GINS3: variants seen among roughly 807,000 people sequenced by gnomAD.
GINS3 encodes GINS complex subunit 3.
GINS3 carries 18 observed loss-of-function variants against 20.0 expected under a neutral mutation model. The ratio of observed to expected loss-of-function variants is 0.90; its 90% confidence interval spans 0.62 to 1.33. The LOEUF (loss-of-function observed/expected upper bound fraction) is 1.33, where lower values mean the gene tolerates loss of function less well. Among genes scored for constraint, GINS3 ranks in the 40% most tolerant of loss-of-function variants. The pLI, the probability that GINS3 is intolerant of heterozygous loss-of-function variation, is 0.00. For missense variants in GINS3, 254 were observed against 273.6 expected (o/e 0.93, Z 0.51); for synonymous variants, 109 against 107.0 (o/e 1.02, Z -0.12).
intron 1 of GINS3, among the ~76,000 whole-genome samples, chr16:58,397,131 G>C (rs949178294): frequency 1.5e-4 from 23 of 151,746 alleles, no homozygotes; most frequent in African/African-American, 5.1e-4. Context: ...TTCCCAGACG[G>C]TGTAGCTGCC....
chr16:58,404,632 A>G lies in GINS3; in HGVS notation c.554A>G (p.Asp185Gly). Residue 185 changes from aspartate to glycine, a missense_variant, in exon 3 of 3, where the codon GAC (aspartate) becomes GGC (glycine). Transcript: ENST00000318129. ...CAAACAGGGCAGAAAGGACTGAATGACTTTCAGTGTTGGGAGAAGGGGCAG... is the reference window on the plus strand; with the variant it reads ...CAAACAGGGCAGAAAGGACTGAATGGCTTTCAGTGTTGGGAGAAGGGGCAG... ...LFQTGQKGLN[D>G]FQCWEKGQAS... is the part of the protein sequence containing the mutation. 6.2e-7 allele frequency: 1 copy of G among 1,613,892 alleles called. No individual in the cohort carries two copies. Among genetic ancestry groups the G allele is most frequent in the Non-Finnish European group, 8.5e-7 (1 of 1,179,800 alleles).
Position 58,392,799 on chromosome 16 carries a change from G to A in GINS3, c.186+12G>A, listed in dbSNP as rs13334093. On this transcript the variant is annotated intron_variant, in intron 1 of 2. Transcript: ENST00000318129. The stretch of plus-strand genomic sequence containing the variant: ...ACGCGGTCCCACAGGTGAGCCTTTG[G>A]GTGCGGGGTCCTGCCCGGAAAGACT... 0.038 allele frequency: 60,066 copies of A among 1,585,968 alleles called. 1,229 individuals are homozygous for A. The highest frequency in any genetic ancestry group is 0.05 in the Middle Eastern group (284 of 5,732).
chr16:58,396,766 A>C (rs1596956805), intron 1 of GINS3, among the ~76,000 whole-genome samples: 1 of 96,898 alleles, frequency 1.0e-5, no homozygotes, highest in South Asian at 3.6e-4. Flanking sequence ...CGGGGGGCTG[A>C]CCCCCCCACC....
rs544897069 is a variant in GINS3, at chr16:58,402,684, TC to T, written c.187-413del. On this transcript the variant is annotated intron_variant, in intron 1 of 2. Transcript: ENST00000318129. ...CTCAAGCTCAGGTTGATCTTATTTT[TC>T]TTTCTGACCCCTAGCATCCAATAGG... 7.6e-4 allele frequency among the ~76,000 whole-genome samples: 115 copies of T among 152,298 alleles called. 1 individual carries two copies. The highest frequency in any genetic ancestry group is 2.4e-3 in the African/African-American group (101 of 41,576).
chr16:58,393,963 A>T (rs1244776678), intron 1 of GINS3, among the ~76,000 whole-genome samples: 1 of 151,328 alleles, frequency 6.6e-6, no homozygotes, highest in East Asian at 1.9e-4. Flanking sequence ...TGTCTTCAAG[A>T]TTCATCTTCA....
rs554250120 is a variant in GINS3 at position 58,397,305 on chromosome 16, G to T, written c.186+4518G>T. ...AGACGATGGGCGGCCGGGCAGAGAC[G>T]CTCCTCACTTCCTAGATGGGATGGC... On this transcript the variant is annotated intron_variant, in intron 1 of 2. Transcript: ENST00000318129. 1.1e-4 allele frequency among the ~76,000 whole-genome samples: 16 copies of T among 150,120 alleles called. No homozygotes were observed. The East Asian group carries it at 2.2e-3, about 20-fold the overall frequency.
intron 1 of GINS3, among the ~76,000 whole-genome samples, chr16:58,398,931 C>G (rs570776467): frequency 5.9e-5 from 9 of 152,232 alleles, no homozygotes; most frequent in African/African-American, 1.9e-4. Flanking sequence ...AATAAATAAT[C>G]CGTATGTGTA....
rs545794516 is a variant in GINS3, at chr16:58,404,961, C to T, written c.*232C>T. On this transcript the variant is annotated 3_prime_UTR_variant, in exon 3 of 3. Transcript: ENST00000318129. ...GACCCACAGCCCAGGCCCTTTAACC[C>T]AAGAACCCATGGCCAAGGAGAAATC... 4.6e-4 allele frequency: 234 copies of T among 507,614 alleles called. 1 individual carries two copies. Among genetic ancestry groups the T allele is most frequent in the African/African-American group, 4.2e-3 (221 of 52,414 alleles). The allele number at this position is 507,614 out of a possible 1,614,324, so 31.4% of individuals were successfully genotyped here. A position where few individuals can be genotyped will look rare whatever the true frequency, so the allele number is the denominator to read the frequency against.
Position 58,397,483 on chromosome 16 carries a change from C to G in GINS3, c.186+4696C>G, listed in dbSNP as rs183170763. 4.1e-3 allele frequency among the ~76,000 whole-genome samples: 616 copies of G among 151,998 alleles called. 1 individual carries two copies. Among genetic ancestry groups the G allele is most frequent in the African/African-American group, 0.014 (580 of 41,342 alleles). Reference sequence around the variant, plus strand: ...CTGGGAGGTGGAGGTTGTATCGAGCCGAGATCACGCCACTGCACTCCAGCC... The same window carrying G: ...CTGGGAGGTGGAGGTTGTATCGAGCGGAGATCACGCCACTGCACTCCAGCC... On this transcript the variant is annotated intron_variant, in intron 1 of 2. Coordinates refer to ENST00000318129, the MANE Select transcript of GINS3 (RefSeq NM_022770.4).
chr16:58,396,245 C>A (rs1251215711), intron 1 of GINS3, among the ~76,000 whole-genome samples: 24 of 123,812 alleles, frequency 1.9e-4, no homozygotes, highest in South Asian at 2.7e-4. Flanking sequence ...CCAGACGGGG[C>A]GGCTGGCCGG....
intron 1 of GINS3, among the ~76,000 whole-genome samples, chr16:58,393,346 T>G (rs1426734520): frequency 6.6e-6 from 1 of 152,160 alleles, no homozygotes; most frequent in Non-Finnish European, 1.5e-5. Context: ...CTGGGTCACT[T>G]GGCCAGGGCT....
At chr16:58,396,886 G>T (rs1164662540) in intron 1 of GINS3, among the ~76,000 whole-genome samples, 3 of 144,726 alleles carry the variant, frequency 2.1e-5, no homozygotes, top group Admixed American at 6.7e-5. Flanking sequence ...GGCCGGGCGG[G>T]GGGCTGACCC....
chr16:58,402,938 A>C (rs1965976282), intron 1 of GINS3, 160 bp from the exon 2 acceptor site: 1 of 609,606 alleles, frequency 1.6e-6, no homozygotes. Flanking sequence ...CAGCCCACAC[A>C]CTTCATTGCT....
At chr16:58,396,037 G>A (rs1320376428) in intron 1 of GINS3, among the ~76,000 whole-genome samples, 12 of 147,986 alleles carry the variant, frequency 8.1e-5, no homozygotes, top group Non-Finnish European at 3.0e-5. Flanking sequence ...AGGGGCGGCC[G>A]GGCAGAGGCG....
intron 1 of GINS3, among the ~76,000 whole-genome samples, chr16:58,393,977 T>G (rs1172831181): frequency 1.3e-5 from 2 of 152,168 alleles, no homozygotes; most frequent in South Asian, 2.1e-4. Context: ...ATCTTCATAT[T>G]TCTAAATAAT....
At chr16:58,399,209 G>T (rs1596959253) in intron 1 of GINS3, among the ~76,000 whole-genome samples, 1 of 151,162 alleles carries the variant, frequency 6.6e-6, no homozygotes, top group African/African-American at 2.4e-5. Context: ...ACCTACTCAG[G>T]AGACTGAGGC....
At position 58,398,285 on chromosome 16, in the gene GINS3, A is replaced by T. The variant is rs548022829; in HGVS notation, c.187-4813A>T. Among the ~76,000 whole-genome samples the T allele has an allele frequency of 1.3e-3, 205 of 152,258 alleles. 2 individuals carry two copies. The highest frequency in any genetic ancestry group is 3.4e-3 in the Middle Eastern group (1 of 294). On this transcript the variant is annotated intron_variant, in intron 1 of 2. Transcript: ENST00000318129. ...CTTTAATTGCGTTTCATAAGTTTTG[A>T]TGTGTTATATTTTCATTATCAATGA...
intron 1 of GINS3, among the ~76,000 whole-genome samples, chr16:58,394,768 C>T (rs1965826670): frequency 6.6e-6 from 1 of 152,204 alleles, no homozygotes; most frequent in Non-Finnish European, 1.5e-5. Context: ...CTACTATCAA[C>T]AGGACTTTGT....
In GINS3 at chr16:58,392,775, C is replaced by T. The variant is rs763254788; in HGVS notation, c.174C>T (p.Asn58=). ...LERSAGAETD[N]AVPQGSKLEL... ...GGAGCGCAGGCGCCGAGACTGACAA[C>T]GCGGTCCCACAGGTGAGCCTTTGGG... Residue 58 remains asparagine (N), a synonymous_variant, in exon 1 of 3, where the codon AAC becomes AAT. Coordinates refer to ENST00000318129, the MANE Select transcript of GINS3 (RefSeq NM_022770.4). 9 of 1,607,450 alleles carry T rather than the reference C, an allele frequency of 5.6e-6. No individual in the cohort carries two copies. The highest frequency in any genetic ancestry group is 1.3e-5 in the African/African-American group (1 of 75,036).
Sources: gnomAD v4.1 joint callset for allele counts (sites outside exome capture counted in the v4.1 genomes callset) on GRCh38, gnomAD v4.1.1 for gene constraint, MANE v1.5 for transcripts, NCBI Gene and HGNC (gene_info 2026-07-23, HGNC 2026-07-21) for gene names.